The following ZNF277 variants were observed in gnomAD, a reference collection of about 807,000 sequenced individuals.
ZNF277 encodes zinc finger protein 277.
ZNF277 carries 55 observed loss-of-function variants against 60.7 expected under a neutral mutation model. The observed-to-expected ratio is 0.91, with a 90% confidence interval of 0.73 to 1.13. ZNF277 has a LOEUF of 1.13. Among genes scored for constraint, ZNF277 ranks in the 50% most tolerant of loss-of-function variants. ZNF277 has a pLI of 0.00. For missense variants in ZNF277, 510 were observed against 523.0 expected (o/e 0.98, Z 0.24); for synonymous variants, 178 against 179.3 (o/e 0.99, Z 0.06).
intron 1 of ZNF277, among the ~76,000 whole-genome samples, chr7:112,224,061 A>G (rs1822105241): frequency 2.0e-5 from 3 of 152,226 alleles, no homozygotes; most frequent in Admixed American, 2.0e-4. Flanking sequence ...AGAGTATGCC[A>G]TAGAGATTAG....
At chr7:112,212,837 A>G (rs763900199) in intron 1 of ZNF277, among the ~76,000 whole-genome samples, 1 of 152,074 alleles carries the variant, frequency 6.6e-6, no homozygotes, top group African/African-American at 2.4e-5. Context: ...TCTCACTTCT[A>G]TACAGTGCTA....
intron 8 of ZNF277, among the ~76,000 whole-genome samples, chr7:112,336,878 A>T (rs1793345087): frequency 6.6e-6 from 1 of 152,206 alleles, no homozygotes; most frequent in East Asian, 1.9e-4. Context: ...TTAAAGTTTT[A>T]ATGACACAAA....
rs181145522 is a variant in ZNF277 at position 112,224,130 on chromosome 7, A to G, written c.91+17323A>G. On this transcript the variant is annotated intron_variant, in intron 1 of 11. Transcript: ENST00000361822. ...GATCTGGTAGCGGGTAGTATTAAAG[A>G]AAAACTAGAGCTGGACAGTAAACTG... is the stretch of plus-strand genomic sequence containing the variant. 1.1e-3 allele frequency among the ~76,000 whole-genome samples: 161 copies of G among 152,354 alleles called. 1 individual carries two copies. The highest frequency in any genetic ancestry group is 1.2e-3 in the Non-Finnish European group (84 of 68,028).
intron 1 of ZNF277, among the ~76,000 whole-genome samples, chr7:112,216,687 A>T (rs1333942238): frequency 2.6e-5 from 4 of 152,218 alleles, no homozygotes; most frequent in Non-Finnish European, 5.9e-5. Flanking sequence ...TTATGTTAGC[A>T]TCCTTTCAAC....
At chr7:112,231,456 ATACT>A (rs759315902) in intron 1 of ZNF277, among the ~76,000 whole-genome samples, 3 of 152,094 alleles carry the variant, frequency 2.0e-5, no homozygotes, top group Non-Finnish European at 4.4e-5. Context: ...AATTTTGGAG[ATACT>A]TAGTCTTCCA....
At chr7:112,245,985 C>T (rs549474341) in intron 1 of ZNF277, among the ~76,000 whole-genome samples, 48 of 152,234 alleles carry the variant, frequency 3.2e-4, no homozygotes, top group African/African-American at 1.0e-3. Flanking sequence ...GGTTCCACAA[C>T]GTAAGGAAGG....
rs1793134571 is a variant in ZNF277, at chr7:112,327,844, G to A, written c.668+17G>A. On this transcript the variant is annotated intron_variant, in intron 6 of 11. Coordinates refer to ENST00000361822, the MANE Select transcript of ZNF277 (RefSeq NM_021994.3). ...GCTTGACAAGTAAGTACTGATTTAT[G>A]AAACACTGCCTAAAGCTGTTTTAAT... The A allele has an allele frequency of 6.6e-7, 1 of 1,511,132 alleles. No homozygotes were observed. The highest frequency in any genetic ancestry group is 9.1e-7 in the Non-Finnish European group (1 of 1,098,554). 93.6% of individuals were successfully genotyped at this position (1,511,132 alleles called of 1,614,324 possible).
intron 1 of ZNF277, among the ~76,000 whole-genome samples, chr7:112,285,385 T>G (rs1475823297): frequency 6.7e-6 from 1 of 148,484 alleles, no homozygotes; most frequent in Non-Finnish European, 1.5e-5. Context: ...AATTCATAAA[T>G]TAAGAATGCC....
At chr7:112,280,778 A>C (rs1791921151) in intron 1 of ZNF277, among the ~76,000 whole-genome samples, 1 of 152,046 alleles carries the variant, frequency 6.6e-6, no homozygotes, top group African/African-American at 2.4e-5. Flanking sequence ...GGTGCCAGCC[A>C]CCACGCCCGG....
chr7:112,261,514 G>A (rs886426414), intron 1 of ZNF277, among the ~76,000 whole-genome samples: 1 of 151,884 alleles, frequency 6.6e-6, no homozygotes. Flanking sequence ...TGCTTTTTCT[G>A]TGAGGAAAGA....
Position 112,342,594 on chromosome 7 carries a change from C to T in ZNF277, c.1218C>T (p.Leu406=). 1 of 1,611,138 alleles carries T rather than the reference C, an allele frequency of 6.2e-7. No homozygotes were observed. Among genetic ancestry groups the T allele is most frequent in the Non-Finnish European group, 8.5e-7 (1 of 1,179,200 alleles). Residue 406 remains leucine, a synonymous_variant, in exon 12 of 12, where the codon CTC becomes CTT. Transcript: ENST00000361822. ...YYFPTYENDT[L]LCTLSDSESD... ...TTCCAACCTATGAAAATGACACTCT[C>T]CTGTGTACACTATCTGACAGTGAAA...
chr7:112,326,948 C>T (rs1793109085), intron 5 of ZNF277, among the ~76,000 whole-genome samples: 1 of 152,086 alleles, frequency 6.6e-6, no homozygotes, highest in African/African-American at 2.4e-5. Context: ...TACATTTGTC[C>T]TTTTCTGTAT....
chr7:112,237,443 A>G (rs1790826632), intron 1 of ZNF277, among the ~76,000 whole-genome samples: 3 of 151,764 alleles, frequency 2.0e-5, no homozygotes. Flanking sequence ...AAAAAAAGAT[A>G]AAGAAAATTC....
intron 1 of ZNF277, among the ~76,000 whole-genome samples, chr7:112,226,015 C>T (rs932859780): frequency 1.5e-4 from 23 of 152,098 alleles, no homozygotes; most frequent in African/African-American, 5.6e-4. Flanking sequence ...TCCTGTTTCC[C>T]AAATAGTTGA....
intron 4 of ZNF277, among the ~76,000 whole-genome samples, chr7:112,313,430 G>C (rs574480005): frequency 6.6e-6 from 1 of 151,894 alleles, no homozygotes; most frequent in African/African-American, 2.4e-5. Context: ...CTACAGGCAC[G>C]CACCACCATG....
chr7:112,238,614 A>G (rs538689054), intron 1 of ZNF277, among the ~76,000 whole-genome samples: 1 of 151,978 alleles, frequency 6.6e-6, no homozygotes, highest in Non-Finnish European at 1.5e-5. Flanking sequence ...CCCCAACCCT[A>G]TGCATCACAG....
chr7:112,268,267 A>AAC lies in ZNF277; in HGVS notation c.92-18590_92-18589dup, dbSNP rs137892891. Among the ~76,000 whole-genome samples the AAC allele has an allele frequency of 8.7e-3, 1,311 of 150,654 alleles. 6 individuals are homozygous for AAC. Among genetic ancestry groups the AAC allele is most frequent in the Middle Eastern group, 0.034 (10 of 294 alleles). ...CTGCATGCACACACACGCACACACA[A>AAC]ACACACACACACACACAAAACACAG... is the stretch of plus-strand genomic sequence containing the variant. On this transcript the variant is annotated intron_variant, in intron 1 of 11. Coordinates refer to ENST00000361822, the MANE Select transcript of ZNF277 (RefSeq NM_021994.3).
intron 1 of ZNF277, among the ~76,000 whole-genome samples, chr7:112,222,176 G>A (rs1052179285): frequency 6.6e-6 from 1 of 152,204 alleles, no homozygotes; most frequent in African/African-American, 2.4e-5. Flanking sequence ...TCTGGCTTTG[G>A]TATCAGGGTG....
At chr7:112,236,166 A>G (rs1790779915) in intron 1 of ZNF277, among the ~76,000 whole-genome samples, 1 of 152,094 alleles carries the variant, frequency 6.6e-6, no homozygotes, top group Admixed American at 6.5e-5. Flanking sequence ...GAAATCAGGT[A>G]AGTGTGAGAG....
Sources: allele counts gnomAD v4.1 joint callset (sites outside exome capture counted in the v4.1 genomes callset), GRCh38; gene constraint gnomAD v4.1.1; transcripts MANE v1.5; gene names NCBI Gene and HGNC (gene_info 2026-07-23, HGNC 2026-07-21).